Variants in PSMA2 observed in about 807,000 individuals in gnomAD.
PSMA2 encodes proteasome subunit alpha type-2.
PSMA2 carries 2 observed loss-of-function variants against 35.9 expected under a neutral mutation model. The observed-to-expected ratio is 0.06, with a 90% CI of 0.02 to 0.18. The LOEUF (loss-of-function observed/expected upper bound fraction) is 0.18. PSMA2 is among the 10% of genes least tolerant of loss of function. The pLI is 1.00. For synonymous variants in PSMA2, 97 were observed against 98.2 expected (o/e 0.99, Z 0.07); for missense variants, 126 against 278.8 (o/e 0.45, Z 3.90).
chr7:42,927,294 C>T, intron 2 of PSMA2, 89 bp downstream of exon 2: 1 of 1,154,576 alleles, frequency 8.7e-7, no homozygotes, highest in Non-Finnish European at 1.3e-6. Context: ...TATACTGCTG[C>T]AGCTCTGTAT....
intron 6 of PSMA2, chr7:42,921,655 A>C (rs1267237978): frequency 5.2e-6 from 2 of 384,370 alleles, no homozygotes; most frequent in Non-Finnish European, 9.2e-6. Flanking sequence ...AGAACTCCTT[A>C]GGAAATGAAT....
chr7:42,923,185 T>G (rs953738670), intron 5 of PSMA2, 140 bp downstream of exon 5: 1 of 655,020 alleles, frequency 1.5e-6, no homozygotes, highest in African/African-American at 1.8e-5. Context: ...CACACAAAAA[T>G]GCACAACCTC....
At chr7:42,929,035 C>T (rs899163508) in intron 1 of PSMA2, among the ~76,000 whole-genome samples, 27 of 151,810 alleles carry the variant, frequency 1.8e-4, no homozygotes, top group Non-Finnish European at 3.5e-4. Context: ...TGGTCTCAAA[C>T]ACCTCGTCTC....
chr7:42,921,285 A>C (rs1349168794), intron 6 of PSMA2: 1 of 152,250 alleles, frequency 6.6e-6, no homozygotes, highest in East Asian at 1.9e-4. Flanking sequence ...CAAGAAATAA[A>C]ACATTTTCTT....
intron 5 of PSMA2, among the ~76,000 whole-genome samples, chr7:42,922,222 G>A (rs928834773): frequency 6.6e-6 from 1 of 152,040 alleles, no homozygotes; most frequent in African/African-American, 2.4e-5. Flanking sequence ...CTGATGAGCT[G>A]GTGATGATGC....
intron 1 of PSMA2, among the ~76,000 whole-genome samples, chr7:42,931,464 A>C (rs181365930): frequency 6.6e-6 from 1 of 152,306 alleles, no homozygotes; most frequent in African/African-American, 2.4e-5. Flanking sequence ...ATCTTGTTTA[A>C]AGTAAACATC....
chr7:42,923,537 T>C (rs1056355979), intron 4 of PSMA2, 131 bp from the exon 5 acceptor site: 1 of 663,540 alleles, frequency 1.5e-6, no homozygotes, highest in Admixed American at 2.8e-5. Flanking sequence ...CCTTAGAAAG[T>C]ATTTAACACC....
chr7:42,931,200 T>A (rs540249853), intron 1 of PSMA2: 15 of 445,582 alleles, frequency 3.4e-5, no homozygotes, highest in South Asian at 2.2e-4. Flanking sequence ...TGGAGCAGGT[T>A]AAGGTTAAGT....
chr7:42,917,733 A>T (rs531892510), intron 7 of PSMA2, 43 bp from the exon 8 acceptor site: 2 of 1,609,486 alleles, frequency 1.2e-6, no homozygotes, highest in Admixed American at 3.3e-5. Context: ...CTAAGCAGTT[A>T]ATCATGAAAT....
chr7:42,924,887 C>G (rs2128674297), intron 3 of PSMA2, 90 bp from the exon 4 acceptor site: 7 of 1,254,750 alleles, frequency 5.6e-6, no homozygotes, highest in Non-Finnish European at 6.5e-6. Context: ...ACCTGCAGCA[C>G]AAGTTTAACA....
intron 3 of PSMA2, 99 bp from the exon 4 acceptor site, chr7:42,924,896 C>T: frequency 6.8e-6 from 8 of 1,177,414 alleles, no homozygotes; most frequent in Non-Finnish European, 9.3e-6. Flanking sequence ...ACAAGTTTAA[C>T]ATGTATCTCT....
Position 42,921,771 on chromosome 7 carries a change from T to C in PSMA2, c.530+87A>G, listed in dbSNP as rs1786132614. On this transcript the variant is annotated intron_variant, in intron 6 of 7. Coordinates refer to ENST00000223321, the MANE Select transcript of PSMA2 (RefSeq NM_002787.5). ...TACAGAGTAATATAGCAAGTTTCTT[T>C]AGTCCCATGATATTAATTTACTTAA... The C allele has an allele frequency of 6.5e-6, 7 of 1,084,388 alleles. 1 individual carries two copies. In the East Asian group the frequency reaches 1.2e-4, roughly 18 times the overall value. The allele number at this position is 1,084,388 out of a possible 1,614,324, so 67.2% of individuals were successfully genotyped here. A position where few individuals can be genotyped will look rare whatever the true frequency, so the allele number is the denominator to read the frequency against.
intron 1 of PSMA2, among the ~76,000 whole-genome samples, chr7:42,930,231 AC>A (rs1562703642): frequency 2.0e-4 from 1 of 4,908 alleles, no homozygotes; most frequent in African/African-American, 4.3e-4. Context: ...ACACGCACAC[AC>A]ACACACACAC....
At chr7:42,927,926 CAG>C (rs1331935903) in intron 1 of PSMA2, among the ~76,000 whole-genome samples, 1 of 150,934 alleles carries the variant, frequency 6.6e-6, no homozygotes, top group Non-Finnish European at 1.5e-5. Context: ...AAGAGAAAGA[CAG>C]AAAGAAAGAA....
At chr7:42,919,304 T>A (rs1786087286) in intron 6 of PSMA2, 1 of 605,880 alleles carries the variant, frequency 1.7e-6, no homozygotes, top group Non-Finnish European at 3.2e-6. Flanking sequence ...AAGTGTGGGA[T>A]GCTATCCCAG....
At chr7:42,926,103 G>A (rs1420209255) in intron 3 of PSMA2, among the ~76,000 whole-genome samples, 1 of 152,172 alleles carries the variant, frequency 6.6e-6, no homozygotes, top group Non-Finnish European at 1.5e-5. Flanking sequence ...TTGTTCCTTT[G>A]TGAAGAACAG....
chr7:42,917,738 T>C, intron 7 of PSMA2, 40 bp downstream of exon 7: 3 of 1,610,534 alleles, frequency 1.9e-6, no homozygotes, highest in Non-Finnish European at 2.5e-6. Context: ...CAGTTAATCA[T>C]GAAATCATTA....
At chr7:42,930,925 T>C (rs1349085012) in intron 1 of PSMA2, among the ~76,000 whole-genome samples, 2 of 152,170 alleles carry the variant, frequency 1.3e-5, no homozygotes, top group Non-Finnish European at 2.9e-5. Context: ...TATTGCATAA[T>C]TAAATTAATC....
In PSMA2 at chr7:42,919,487, G is replaced by T. The variant is rs571743563; in HGVS notation, c.531-1652C>A. 125 of 522,550 alleles carry T rather than the reference G, an allele frequency of 2.4e-4. 1 individual carries two copies. The highest frequency in any genetic ancestry group is 2.3e-3 in the African/African-American group (121 of 51,712). The allele number at this position is 522,550 out of a possible 1,614,324, so 32.4% of individuals were successfully genotyped here. On this transcript the variant is annotated intron_variant, in intron 6 of 7. Transcript: ENST00000223321. Reference sequence around the variant, plus strand: ...GTGATCACAGCTCTGATATTAAAAAGGCCCTATGGTACAGTGAGGATAAAC... The same window carrying T: ...GTGATCACAGCTCTGATATTAAAAATGCCCTATGGTACAGTGAGGATAAAC...
Sources: gnomAD v4.1 joint callset for allele counts (sites outside exome capture counted in the v4.1 genomes callset) on GRCh38, gnomAD v4.1.1 for gene constraint, MANE v1.5 for transcripts, NCBI Gene and HGNC (gene_info 2026-07-23, HGNC 2026-07-21) for gene names.